Variants in GRIK3 observed in about 807,000 individuals in gnomAD.
GRIK3 encodes the protein glutamate receptor ionotropic, kainate 3.
In GRIK3, 29 loss-of-function variants were observed where a neutral mutation model predicts 102.5. That is an observed-to-expected ratio of 0.28 (90% CI 0.21 to 0.39). The LOEUF is 0.39. Ranked by LOEUF, GRIK3 falls within the 10% of genes least tolerant of loss-of-function variation. The pLI, the probability that GRIK3 is intolerant of heterozygous loss-of-function variation, is 1.00. For missense variants in GRIK3, 908 were observed against 1,252.4 expected (o/e 0.73, Z 4.15); for synonymous variants, 511 against 504.9 (o/e 1.01, Z -0.16).
At chr1:36,853,931 C>T (rs769638249) in intron 7 of GRIK3, among the ~76,000 whole-genome samples, 2 of 152,224 alleles carry the variant, frequency 1.3e-5, no homozygotes, top group Non-Finnish European at 2.9e-5. Flanking sequence ...GCCAGCTTTA[C>T]ATTTGCACCT....
intron 1 of GRIK3, among the ~76,000 whole-genome samples, chr1:37,033,792 C>T (rs1461793143): frequency 6.6e-6 from 1 of 152,324 alleles, no homozygotes; most frequent in East Asian, 1.9e-4. Context: ...CACTGCGGCC[C>T]GGCGGCCTCC....
chr1:36,881,180 A>C (rs1294733383), intron 2 of GRIK3, among the ~76,000 whole-genome samples: 1 of 152,152 alleles, frequency 6.6e-6, no homozygotes, highest in Non-Finnish European at 1.5e-5. Flanking sequence ...AAAAGTGATC[A>C]CCACATTCAA....
chr1:37,014,170 G>A (rs576395158), intron 1 of GRIK3, among the ~76,000 whole-genome samples: 1 of 152,368 alleles, frequency 6.6e-6, no homozygotes, highest in Non-Finnish European at 1.5e-5. Context: ...AACATCTGCT[G>A]TAATTAAGAA....
chr1:37,032,036 C>T (rs1295329361), intron 1 of GRIK3, among the ~76,000 whole-genome samples: 1 of 152,206 alleles, frequency 6.6e-6, no homozygotes, highest in Non-Finnish European at 1.5e-5. Flanking sequence ...GGCTGACACG[C>T]TAATTAATCC....
intron 13 of GRIK3, among the ~76,000 whole-genome samples, chr1:36,808,031 T>G (rs1642519323): frequency 1.3e-5 from 2 of 152,136 alleles, no homozygotes; most frequent in South Asian, 4.1e-4. Context: ...CTCCAAACCT[T>G]TTGTGCTCTC....
chr1:36,820,079 T>C (rs552734671), intron 11 of GRIK3, among the ~76,000 whole-genome samples: 6 of 152,342 alleles, frequency 3.9e-5, no homozygotes, highest in Admixed American at 2.0e-4. Context: ...AAAGTGCACA[T>C]GCCCTTCAGG....
chr1:36,967,958 C>G, intron 1 of GRIK3, among the ~76,000 whole-genome samples: 1 of 152,172 alleles, frequency 6.6e-6, no homozygotes, highest in East Asian at 1.9e-4. Context: ...GCCCCGGGTA[C>G]CTGGGAACAG....
At chr1:36,865,796 G>T (rs1640778385) in intron 5 of GRIK3, among the ~76,000 whole-genome samples, 1 of 152,238 alleles carries the variant, frequency 6.6e-6, no homozygotes, top group Non-Finnish European at 1.5e-5. Context: ...CCTGATGCCA[G>T]GTTTCCCCAC....
chr1:36,819,223 G>T lies in GRIK3; in HGVS notation c.1873+513C>A, dbSNP rs539591. ...AGGCACCTCACAGCCAAGCGGCCACGGAGTCCCATCCACAGTGTATCCTGA... is the reference window on the plus strand; with the variant it reads ...AGGCACCTCACAGCCAAGCGGCCACTGAGTCCCATCCACAGTGTATCCTGA... On this transcript the variant is annotated intron_variant, in intron 12 of 15. Coordinates refer to ENST00000373091, the MANE Select transcript of GRIK3 (RefSeq NM_000831.4). The surrounding 1 kb of genome is among the most constrained non-coding windows in gnomAD (Gnocchi z 4.1). 0.19 allele frequency among the ~76,000 whole-genome samples: 29,065 copies of T among 152,112 alleles called. 3,397 individuals are homozygous for T. The highest frequency in any genetic ancestry group is 0.33 in the African/African-American group (13,687 of 41,468).
At chr1:36,935,763 G>A (rs1026796500) in intron 1 of GRIK3, among the ~76,000 whole-genome samples, 3 of 152,178 alleles carry the variant, frequency 2.0e-5, no homozygotes, top group African/African-American at 7.2e-5. Flanking sequence ...AAATAAAGTA[G>A]GTGAATTATT....
chr1:37,016,265 A>G (rs1320937700), intron 1 of GRIK3, among the ~76,000 whole-genome samples: 1 of 152,246 alleles, frequency 6.6e-6, no homozygotes, highest in Admixed American at 6.5e-5. Flanking sequence ...TCAGGCAGAC[A>G]GGAGTTCAAG....
At chr1:36,808,779 TA>T (rs1642527970) in intron 13 of GRIK3, among the ~76,000 whole-genome samples, 1 of 152,168 alleles carries the variant, frequency 6.6e-6, no homozygotes, top group Non-Finnish European at 1.5e-5. Context: ...AAGTTTCGGG[TA>T]ATTTGGTATG....
At chr1:36,959,334 G>T (rs521306) in intron 1 of GRIK3, among the ~76,000 whole-genome samples, 79,646 of 118,926 alleles carry the variant, frequency 0.67, 29,067 homozygotes, top group East Asian at 0.94. Context: ...CTGTGTGCCC[G>T]GTGAGCCTGT....
At chr1:36,813,540 C>T (rs191367935) in intron 13 of GRIK3, among the ~76,000 whole-genome samples, 23 of 152,276 alleles carry the variant, frequency 1.5e-4, no homozygotes, top group Non-Finnish European at 2.1e-4. Flanking sequence ...CCTTGTACCC[C>T]GCTCCACCAC....
chr1:37,014,370 G>A (rs1642629766), intron 1 of GRIK3, among the ~76,000 whole-genome samples: 1 of 152,244 alleles, frequency 6.6e-6, no homozygotes, highest in Non-Finnish European at 1.5e-5. Context: ...GAGGAAGGGA[G>A]GGATAGGGAG....
intron 1 of GRIK3, among the ~76,000 whole-genome samples, chr1:36,922,604 C>T (rs1641486012): frequency 3.9e-5 from 6 of 152,166 alleles, no homozygotes; most frequent in Admixed American, 3.9e-4. Flanking sequence ...GATTGGTCCC[C>T]AAGACAGGGG....
At chr1:36,896,863 T>A (rs1374918883) in intron 1 of GRIK3, among the ~76,000 whole-genome samples, 1 of 152,088 alleles carries the variant, frequency 6.6e-6, no homozygotes, top group Admixed American at 6.6e-5. Context: ...AACTGATCAA[T>A]ATAATACATC....
At chr1:36,867,706 T>G (rs879593804) in intron 5 of GRIK3, among the ~76,000 whole-genome samples, 5 of 152,144 alleles carry the variant, frequency 3.3e-5, no homozygotes, top group Admixed American at 3.3e-4. Flanking sequence ...TTCAGTAGAA[T>G]TGGGGTCAGA....
intron 1 of GRIK3, among the ~76,000 whole-genome samples, chr1:37,018,275 A>G (rs1300424151): frequency 2.0e-5 from 3 of 152,228 alleles, no homozygotes; most frequent in African/African-American, 7.2e-5. Flanking sequence ...GGCCCATAAT[A>G]GGAAGCCCAC....
Sources: gnomAD v4.1 joint callset for allele counts (sites outside exome capture counted in the v4.1 genomes callset) on GRCh38, gnomAD v4.1.1 for gene constraint, Gnocchi (gnomAD v3.1) non-coding constraint, MANE v1.5 for transcripts, NCBI Gene and HGNC (gene_info 2026-07-23, HGNC 2026-07-21) for gene names.